SLC9A9: variants seen among roughly 807,000 people sequenced by gnomAD.
The protein encoded by SLC9A9 is sodium/hydrogen exchanger 9.
A neutral mutation model predicts 77.8 loss-of-function variants in SLC9A9; 62 were observed. The observed-to-expected ratio is 0.80, with a 90% CI of 0.65 to 0.98. The LOEUF is 0.98. Among genes scored for constraint, SLC9A9 ranks in the 50% least tolerant of loss-of-function variants. The probability of loss-of-function intolerance (pLI) is 0.00; values close to 1 mark genes in which losing one functional copy is unlikely to be tolerated. For missense variants in SLC9A9, 775 were observed against 774.9 expected (o/e 1.00, Z 0.00); for synonymous variants, 320 against 283.5 (o/e 1.13, Z -1.29).
intron 12 of SLC9A9, among the ~76,000 whole-genome samples, chr3:143,410,928 G>A (rs2034084323): frequency 6.6e-6 from 1 of 151,926 alleles, no homozygotes; most frequent in Non-Finnish European, 1.5e-5. Flanking sequence ...TTCTTAATTT[G>A]CAAGTAATTA....
At chr3:143,635,624 T>G (rs1219317386) in intron 6 of SLC9A9, among the ~76,000 whole-genome samples, 1 of 152,222 alleles carries the variant, frequency 6.6e-6, no homozygotes, top group Non-Finnish European at 1.5e-5. Context: ...AGTCCTTGGC[T>G]AGGAAACCAG....
chr3:143,476,428 C>G (rs1190810250), intron 11 of SLC9A9, among the ~76,000 whole-genome samples: 3 of 152,214 alleles, frequency 2.0e-5, no homozygotes, highest in African/African-American at 7.2e-5. Flanking sequence ...TTTTTAGAAG[C>G]CCTGGGTAGC....
chr3:143,677,903 T>A (rs1453968072), intron 5 of SLC9A9, among the ~76,000 whole-genome samples: 1 of 142,918 alleles, frequency 7.0e-6, no homozygotes, highest in African/African-American at 2.6e-5. Context: ...CTCGGCTCAC[T>A]GCAAGCTCTG....
chr3:143,790,220 A>G (rs867987674), intron 4 of SLC9A9, among the ~76,000 whole-genome samples: 12 of 152,206 alleles, frequency 7.9e-5, no homozygotes, highest in Admixed American at 6.5e-4. Context: ...CTCCCCAGCC[A>G]TGCGGAACTG....
chr3:143,276,043 C>T (rs1355288135), intron 14 of SLC9A9, among the ~76,000 whole-genome samples: 3 of 147,698 alleles, frequency 2.0e-5, no homozygotes, highest in Non-Finnish European at 4.4e-5. Flanking sequence ...GTCTGTCTTT[C>T]CCTTGTCTCT....
At chr3:143,331,671 G>A (rs1002960087) in intron 14 of SLC9A9, among the ~76,000 whole-genome samples, 1 of 152,142 alleles carries the variant, frequency 6.6e-6, no homozygotes, top group African/African-American at 2.4e-5. Context: ...GCCGGGCACT[G>A]GGAAACAAAG....
intron 12 of SLC9A9, among the ~76,000 whole-genome samples, chr3:143,394,128 A>G (rs2033639411): frequency 6.6e-6 from 1 of 152,202 alleles, no homozygotes; most frequent in South Asian, 2.1e-4. Context: ...TGATACCAAA[A>G]CCTGGCAGAG....
At chr3:143,725,393 C>T (rs909248589) in intron 4 of SLC9A9, among the ~76,000 whole-genome samples, 5 of 151,982 alleles carry the variant, frequency 3.3e-5, no homozygotes, top group Non-Finnish European at 4.4e-5. Flanking sequence ...TGGGTATATA[C>T]CCAAAGGACT....
chr3:143,511,672 C>T (rs757321965), intron 9 of SLC9A9, among the ~76,000 whole-genome samples: 1 of 152,188 alleles, frequency 6.6e-6, no homozygotes, highest in Non-Finnish European at 1.5e-5. Context: ...GGACCTTGTC[C>T]AGGCATAACT....
At chr3:143,382,397 T>G (rs1431946260) in intron 12 of SLC9A9, among the ~76,000 whole-genome samples, 1 of 152,036 alleles carries the variant, frequency 6.6e-6, no homozygotes, top group Non-Finnish European at 1.5e-5. Flanking sequence ...ACAGCAGCCA[T>G]CAGGAAAAAG....
chr3:143,788,575 C>A (rs938185930), intron 4 of SLC9A9, among the ~76,000 whole-genome samples: 2 of 151,250 alleles, frequency 1.3e-5, no homozygotes, highest in African/African-American at 4.9e-5. Context: ...CTGTAAATCC[C>A]AGCTACTTGG....
chr3:143,597,616 G>A (rs1186092747), intron 6 of SLC9A9, among the ~76,000 whole-genome samples: 3 of 152,224 alleles, frequency 2.0e-5, no homozygotes, highest in Admixed American at 1.3e-4. Context: ...GTGGCCCCCC[G>A]AGGGTTCTTT....
At chr3:143,682,694 A>G (rs1933140050) in intron 5 of SLC9A9, among the ~76,000 whole-genome samples, 1 of 152,212 alleles carries the variant, frequency 6.6e-6, no homozygotes, top group African/African-American at 2.4e-5. Context: ...CTGTAGGCAC[A>G]AGAGGATAAT....
At chr3:143,678,611 T>C (rs921372623) in intron 5 of SLC9A9, among the ~76,000 whole-genome samples, 1 of 152,200 alleles carries the variant, frequency 6.6e-6, no homozygotes, top group South Asian at 2.1e-4. Flanking sequence ...GAAATCTGTG[T>C]CTGGATCATC....
At chr3:143,502,833 C>T (rs928952698) in intron 9 of SLC9A9, among the ~76,000 whole-genome samples, 2 of 152,202 alleles carry the variant, frequency 1.3e-5, no homozygotes, top group East Asian at 1.9e-4. Context: ...TTAATCTTGG[C>T]TTATATTTTC....
Position 143,721,718 on chromosome 3 carries a change from G to A in SLC9A9, c.534-28411C>T, listed in dbSNP as rs115639981. ...CACACGAGCCTCGGGCAGAAGTGAC[G>A]GGTAGATTCAGGAATGCCTTGGTTA... On this transcript the variant is annotated intron_variant, in intron 4 of 15. Coordinates refer to ENST00000316549, the MANE Select transcript of SLC9A9 (RefSeq NM_173653.4). 3.3e-3 allele frequency among the ~76,000 whole-genome samples: 500 copies of A among 152,256 alleles called. 3 individuals are homozygous for A. The highest frequency in any genetic ancestry group is 0.01 in the Middle Eastern group (3 of 294).
At chr3:143,317,350 A>T (rs2031250317) in intron 14 of SLC9A9, among the ~76,000 whole-genome samples, 1 of 152,102 alleles carries the variant, frequency 6.6e-6, no homozygotes, top group East Asian at 1.9e-4. Flanking sequence ...ACAACAGGGC[A>T]ACAGCCCTCC....
At chr3:143,423,620 T>C (rs1167192311) in intron 12 of SLC9A9, among the ~76,000 whole-genome samples, 1 of 152,108 alleles carries the variant, frequency 6.6e-6, no homozygotes, top group Non-Finnish European at 1.5e-5. Flanking sequence ...TTTAATAAAA[T>C]GGAAAAGCAT....
chr3:143,497,573 G>A (rs1387258481), intron 9 of SLC9A9, among the ~76,000 whole-genome samples: 1 of 152,162 alleles, frequency 6.6e-6, no homozygotes, highest in Non-Finnish European at 1.5e-5. Flanking sequence ...GAAGCTGCTG[G>A]CAGCCATTTT....
Sources: gnomAD v4.1 joint callset for allele counts (sites outside exome capture counted in the v4.1 genomes callset) on GRCh38, gnomAD v4.1.1 for gene constraint, MANE v1.5 for transcripts, NCBI Gene and HGNC (gene_info 2026-07-23, HGNC 2026-07-21) for gene names.